The following SEZ6L variants were observed in gnomAD, a reference collection of about 807,000 sequenced individuals.
The protein encoded by SEZ6L is seizure related 6 homolog like.
Under a neutral mutation model 106.2 loss-of-function variants are expected in SEZ6L, and 37 were observed. That is an observed-to-expected ratio of 0.35 (90% CI 0.27 to 0.46). The LOEUF (loss-of-function observed/expected upper bound fraction) is 0.46, where lower values mean the gene tolerates loss of function less well. Ranked by LOEUF, SEZ6L falls within the 20% of genes least tolerant of loss-of-function variation. The pLI is 1.00. For missense variants in SEZ6L, 1,172 were observed against 1,332.8 expected (o/e 0.88, Z 1.88); for synonymous variants, 541 against 570.4 (o/e 0.95, Z 0.73).
chr22:26,207,510 T>C (rs1329679308), intron 1 of SEZ6L, among the ~76,000 whole-genome samples: 3 of 152,246 alleles, frequency 2.0e-5, no homozygotes, highest in African/African-American at 7.2e-5. Context: ...GCTATCATCA[T>C]AACAACACTT....
chr22:26,375,977 G>C (rs1211343158), intron 15 of SEZ6L, among the ~76,000 whole-genome samples: 1 of 152,220 alleles, frequency 6.6e-6, no homozygotes, highest in African/African-American at 2.4e-5. Context: ...ATGTTGATTT[G>C]TTCCTTCCAT....
intron 9 of SEZ6L, among the ~76,000 whole-genome samples, chr22:26,318,984 T>C (rs2082080781): frequency 6.6e-6 from 1 of 152,092 alleles, no homozygotes; most frequent in Non-Finnish European, 1.5e-5. Flanking sequence ...CATCTGTCAA[T>C]TTCCACGGTG....
chr22:26,198,372 A>G (rs894390884), intron 1 of SEZ6L, among the ~76,000 whole-genome samples: 1 of 152,250 alleles, frequency 6.6e-6, no homozygotes, highest in Non-Finnish European at 1.5e-5. Context: ...GAGATTATCC[A>G]AAGACTGTAA....
intron 1 of SEZ6L, among the ~76,000 whole-genome samples, chr22:26,238,655 G>A (rs2079022716): frequency 6.6e-6 from 1 of 152,182 alleles, no homozygotes. Context: ...AATAAGCCAG[G>A]CTTCGCATAA....
intron 15 of SEZ6L, among the ~76,000 whole-genome samples, chr22:26,376,207 A>G (rs2084218217): frequency 1.0e-4 from 3 of 28,848 alleles, no homozygotes; most frequent in Admixed American, 9.8e-4. Context: ...TCATTTGTGG[A>G]AAAAAAAAAA....
intron 3 of SEZ6L, among the ~76,000 whole-genome samples, chr22:26,296,490 T>C (rs137210): frequency 0.45 from 68,718 of 152,084 alleles, 17,404 homozygotes; most frequent in African/African-American, 0.67. Flanking sequence ...GGTAGAATGC[T>C]TCTCCCGGCT....
At chr22:26,362,097 C>T (rs1161777775) in intron 12 of SEZ6L, among the ~76,000 whole-genome samples, 2 of 152,170 alleles carry the variant, frequency 1.3e-5, no homozygotes, top group African/African-American at 4.8e-5. Flanking sequence ...CAGTCCATCC[C>T]CAAGGCACGC....
intron 2 of SEZ6L, among the ~76,000 whole-genome samples, chr22:26,293,734 C>T (rs688425): frequency 3.3e-5 from 5 of 152,090 alleles, no homozygotes; most frequent in South Asian, 2.1e-4. Flanking sequence ...CATCTTGGAA[C>T]GGAATTCTTC....
intron 1 of SEZ6L, among the ~76,000 whole-genome samples, chr22:26,291,399 A>G (rs1043042031): frequency 2.0e-5 from 3 of 152,086 alleles, no homozygotes; most frequent in Non-Finnish European, 2.9e-5. Flanking sequence ...ATGAGAACAC[A>G]TGGACACAGG....
intron 1 of SEZ6L, among the ~76,000 whole-genome samples, chr22:26,225,565 G>A (rs2078611347): frequency 1.3e-5 from 2 of 152,210 alleles, no homozygotes; most frequent in African/African-American, 4.8e-5. Context: ...AAAGACAACT[G>A]ACAAAATGAT....
chr22:26,288,639 A>T (rs1163882997), intron 1 of SEZ6L, among the ~76,000 whole-genome samples: 1 of 152,274 alleles, frequency 6.6e-6, no homozygotes, highest in Non-Finnish European at 1.5e-5. Context: ...CATTCATAAA[A>T]TAGGAACAAT....
chr22:26,205,130 C>T (rs1390751239), intron 1 of SEZ6L, among the ~76,000 whole-genome samples: 1 of 152,170 alleles, frequency 6.6e-6, no homozygotes, highest in Admixed American at 6.5e-5. Context: ...AGAAGAGAAA[C>T]TCGCTTTATG....
intron 5 of SEZ6L, among the ~76,000 whole-genome samples, chr22:26,300,109 C>T (rs986226014): frequency 7.2e-5 from 11 of 152,110 alleles, no homozygotes; most frequent in African/African-American, 2.7e-4. Flanking sequence ...ATGTGTTGGC[C>T]ATTTGTAGAT....
chr22:26,381,354 T>C lies in SEZ6L; in HGVS notation c.*1059T>C, dbSNP rs2084405722. On this transcript the variant is annotated 3_prime_UTR_variant, in exon 17 of 17. Transcript: ENST00000248933. ...CACTGATTCTCTAAAAGGTGTCATC[T>C]TCAGAATATACTTGCCATCAAGTAT... The C allele has an allele frequency of 6.6e-6, 1 of 152,240 alleles. No individual in the cohort carries two copies. Among genetic ancestry groups the C allele is most frequent in the Non-Finnish European group, 1.5e-5 (1 of 68,058 alleles). The allele number at this position is 152,240 out of a possible 1,614,324, so 9.4% of individuals were successfully genotyped here.
intron 1 of SEZ6L, among the ~76,000 whole-genome samples, chr22:26,279,416 T>C (rs931339769): frequency 5.3e-5 from 8 of 152,182 alleles, no homozygotes; most frequent in Non-Finnish European, 8.8e-5. Flanking sequence ...ATTGGAGGTG[T>C]TGAATCACAG....
rs1003088 is a variant in SEZ6L, at chr22:26,249,018, A to G, written c.95-43388A>G. Among the ~76,000 whole-genome samples the G allele has an allele frequency of 5.6e-3, 860 of 152,318 alleles. 3 individuals are homozygous for G. Among genetic ancestry groups the G allele is most frequent in the Admixed American group, 9.0e-3 (137 of 15,296 alleles). ...AAAGAGCCATCTTCTGGTTGCACTA[A>G]AACTTTCTCTTTTTTAAGTATTTTT... On this transcript the variant is annotated intron_variant, in intron 1 of 16. Coordinates refer to ENST00000248933, the MANE Select transcript of SEZ6L (RefSeq NM_021115.5).
intron 5 of SEZ6L, among the ~76,000 whole-genome samples, chr22:26,303,215 G>C (rs774563375): frequency 6.6e-6 from 1 of 152,186 alleles, no homozygotes; most frequent in African/African-American, 2.4e-5. Context: ...TTCTGTCTGT[G>C]GTCCTGAAAG....
Position 26,308,520 on chromosome 22 carries a change from C to G in SEZ6L, c.1515-2150C>G, listed in dbSNP as rs574637614. Among the ~76,000 whole-genome samples the G allele has an allele frequency of 1.1e-4, 17 of 152,074 alleles. No individual in the cohort carries two copies. The East Asian group carries it at 1.4e-3, about 12-fold the overall frequency. ...TAAGATGATTTTCCTCAAAATGAACCCTTTCTAAACTCCAGTCTCATAATA... is the reference window on the plus strand; with the variant it reads ...TAAGATGATTTTCCTCAAAATGAACGCTTTCTAAACTCCAGTCTCATAATA... On this transcript the variant is annotated intron_variant, in intron 6 of 16. Coordinates refer to ENST00000248933, the MANE Select transcript of SEZ6L (RefSeq NM_021115.5).
At chr22:26,303,731 A>G (rs1262730051) in intron 5 of SEZ6L, among the ~76,000 whole-genome samples, 1 of 152,188 alleles carries the variant, frequency 6.6e-6, no homozygotes, top group Non-Finnish European at 1.5e-5. Context: ...CTGAAAGCAA[A>G]CAAACAAAAA....
Sources: allele counts gnomAD v4.1 joint callset (sites outside exome capture counted in the v4.1 genomes callset), GRCh38; gene constraint gnomAD v4.1.1; transcripts MANE v1.5; gene names NCBI Gene and HGNC (gene_info 2026-07-23, HGNC 2026-07-21).